Variants in ADAM17 observed in about 807,000 individuals in gnomAD.
ADAM17 encodes ADAM metallopeptidase domain 17.
ADAM17 carries 39 observed loss-of-function variants against 96.7 expected under a neutral mutation model. The observed-to-expected ratio is 0.40, with a 90% confidence interval of 0.31 to 0.53. ADAM17 has a LOEUF of 0.53. Ranked by LOEUF, ADAM17 falls within the 20% of genes least tolerant of loss-of-function variation. The probability of loss-of-function intolerance (pLI) is 0.44; values close to 1 mark genes in which losing one functional copy is unlikely to be tolerated. For synonymous variants in ADAM17, 344 were observed against 359.2 expected, an observed-to-expected ratio of 0.96 and a Z score of 0.48; for missense variants, 777 against 1,013.2, an observed-to-expected ratio of 0.77 and a Z score of 3.17.
intron 15 of ADAM17, 122 bp downstream of exon 15, chr2:9,494,515 A>G (rs1662409682): frequency 2.6e-6 from 3 of 1,144,512 alleles, no homozygotes; most frequent in Non-Finnish European, 3.7e-6. Flanking sequence ...GTAGATAACA[A>G]TGGGCCAGAA....
At position 9,488,577 on chromosome 2, in the gene ADAM17, A is replaced by T; in HGVS notation, c.*1600T>A. 1 of 328,136 alleles carries T rather than the reference A, an allele frequency of 3.0e-6. No individual in the cohort carries two copies. The highest frequency in any genetic ancestry group is 5.5e-6 in the Non-Finnish European group (1 of 183,248). The allele number at this position is 328,136 out of a possible 1,614,324, so 20.3% of individuals were successfully genotyped here. A position where few individuals can be genotyped will look rare whatever the true frequency, so the allele number is the denominator to read the frequency against. On this transcript the variant is annotated 3_prime_UTR_variant, in exon 19 of 19. Coordinates refer to ENST00000310823, the MANE Select transcript of ADAM17 (RefSeq NM_003183.6). Reference sequence around the variant, plus strand: ...CTTGTTAATTCTATAAATGACAAAGACTATGTTTTTAAAAAGTCACAATTT... The same window carrying T: ...CTTGTTAATTCTATAAATGACAAAGTCTATGTTTTTAAAAAGTCACAATTT...
intron 13 of ADAM17, among the ~76,000 whole-genome samples, chr2:9,500,861 A>C (rs1662956810): frequency 6.6e-6 from 1 of 152,236 alleles, no homozygotes; most frequent in Admixed American, 6.5e-5. Context: ...GGACACCTGG[A>C]AAGGTTAGCT....
At chr2:9,549,181 G>C (rs1665507580) in intron 1 of ADAM17, among the ~76,000 whole-genome samples, 1 of 152,084 alleles carries the variant, frequency 6.6e-6, no homozygotes, top group Non-Finnish European at 1.5e-5. Flanking sequence ...GACCAGCCTG[G>C]CCAACATGGT....
chr2:9,517,878 C>T, intron 10 of ADAM17, 23 bp downstream of exon 10: 1 of 1,502,410 alleles, frequency 6.7e-7, no homozygotes, highest in Non-Finnish European at 9.0e-7. Context: ...TAACACTATT[C>T]TTTTAGAAAT....
intron 1 of ADAM17, among the ~76,000 whole-genome samples, chr2:9,552,260 A>G (rs907525372): frequency 2.0e-5 from 3 of 152,222 alleles, no homozygotes; most frequent in African/African-American, 7.2e-5. Flanking sequence ...GAGGAAACCT[A>G]TATTTAATGT....
chr2:9,498,243 T>C (rs767569176), intron 13 of ADAM17, among the ~76,000 whole-genome samples: 22 of 152,236 alleles, frequency 1.4e-4, no homozygotes, highest in Non-Finnish European at 2.5e-4. Context: ...GTGTTGACCA[T>C]GCTGGTGTAA....
intron 14 of ADAM17, 30 bp downstream of exon 14, chr2:9,497,084 T>A: frequency 6.2e-7 from 1 of 1,607,064 alleles, no homozygotes. Flanking sequence ...TGTTTTCTCC[T>A]GCTGCTGGAC....
intron 6 of ADAM17, among the ~76,000 whole-genome samples, chr2:9,525,075 A>G (rs1427866297): frequency 6.6e-6 from 1 of 152,188 alleles, no homozygotes; most frequent in African/African-American, 2.4e-5. Context: ...AAGCTTTTTA[A>G]AGTAAAAATC....
chr2:9,532,127 T>C (rs1664766560), intron 4 of ADAM17, among the ~76,000 whole-genome samples: 1 of 152,182 alleles, frequency 6.6e-6, no homozygotes, highest in Admixed American at 6.5e-5. Flanking sequence ...TATTTAATGA[T>C]GATGTGTTAA....
chr2:9,505,239 G>T lies in ADAM17; in HGVS notation c.1471C>A (p.Pro491Thr). ...TCGTTGTTCAGATACATGATGCCAG[G>T]ATCACACTCTTCTCCTTCATCCACC... ...SRVDEGEECD[P>T]GIMYLNNDTC... Residue 491 changes from proline (P) to threonine (T), a missense_variant, in exon 12 of 19, where the codon CCT (proline) becomes ACT (threonine). By Grantham distance (38) the Pro-to-Thr change is conservative. This residue lies in a region of ADAM17 where 446 missense variants were observed against 664.7 expected (regional missense o/e 0.67). Coordinates refer to ENST00000310823, the MANE Select transcript of ADAM17 (RefSeq NM_003183.6). The T allele has an allele frequency of 1.2e-6, 2 of 1,614,100 alleles. No homozygotes were observed. The highest frequency in any genetic ancestry group is 1.7e-6 in the Non-Finnish European group (2 of 1,180,016).
chr2:9,539,400 T>C (rs73151556), intron 2 of ADAM17, among the ~76,000 whole-genome samples: 9,779 of 152,134 alleles, frequency 0.064, 1,110 homozygotes, highest in African/African-American at 0.22. Context: ...CATGTGTGAG[T>C]CACCACGCCT....
intron 8 of ADAM17, among the ~76,000 whole-genome samples, chr2:9,519,475 C>T (rs533871831): frequency 6.6e-6 from 1 of 152,254 alleles, no homozygotes; most frequent in East Asian, 1.9e-4. Context: ...GAGATCTGTG[C>T]TCAATTCAAC....
At position 9,490,125 on chromosome 2, in the gene ADAM17, C is replaced by CAAATCTATAAAA. The variant is rs1331511067; in HGVS notation, c.*40_*51dup. The CAAATCTATAAAA allele has an allele frequency of 5.4e-6, 8 of 1,481,052 alleles. No individual in the cohort carries two copies. The Admixed American group carries it at 1.6e-4, about 30-fold the overall frequency. 91.7% of individuals were successfully genotyped at this position (1,481,052 alleles called of 1,614,324 possible). On this transcript the variant is annotated 3_prime_UTR_variant, in exon 19 of 19. Coordinates refer to ENST00000310823, the MANE Select transcript of ADAM17 (RefSeq NM_003183.6). ...TACAAGCTGTGATTGATTTGTAGGT[C>CAAATCTATAAAA]AAATCTATAAAAATATTTTGCACAC...
chr2:9,495,204 C>T (rs2124968981), intron 14 of ADAM17, among the ~76,000 whole-genome samples: 1 of 152,330 alleles, frequency 6.6e-6, no homozygotes, highest in Non-Finnish European at 1.5e-5. Flanking sequence ...ACTGTCCACC[C>T]TTGGGTGGGG....
chr2:9,510,038 G>C lies in ADAM17; in HGVS notation c.1285C>G (p.Gln429Glu). 1 of 1,614,040 alleles carries C rather than the reference G, an allele frequency of 6.2e-7. No homozygotes were observed. Among genetic ancestry groups the C allele is most frequent in the Non-Finnish European group, 8.5e-7 (1 of 1,179,978 alleles). Reference protein sequence around the residue: ...GLAECAPNEDQGGKYVMYPIA... With the variant: ...GLAECAPNEDEGGKYVMYPIA... The stretch of plus-strand genomic sequence containing the variant: ...GGATACATGACATATTTCCCTCCCT[G>C]GTCCTCATTCGGGGCACATTCTGCT... The change falls in exon 11 of 19, where the codon CAG becomes GAG. Residue 429 changes from glutamine to glutamate, a missense_variant. Coordinates refer to ENST00000310823, the MANE Select transcript of ADAM17 (RefSeq NM_003183.6).
chr2:9,489,385 T>C lies in ADAM17; in HGVS notation c.*792A>G, dbSNP rs970034994. The C allele has an allele frequency of 2.7e-5, 4 of 147,864 alleles. No homozygotes were observed. The highest frequency in any genetic ancestry group is 6.9e-5 in the Admixed American group (1 of 14,432). The allele number at this position is 147,864 out of a possible 1,614,324, so 9.2% of individuals were successfully genotyped here. A position where few individuals can be genotyped will look rare whatever the true frequency, so the allele number is the denominator to read the frequency against. On this transcript the variant is annotated 3_prime_UTR_variant, in exon 19 of 19. Transcript: ENST00000310823. ...GGCATGAGCCACCACTCCCAGCCAATAGTGAATTTTCTAAGAGCATGTATC... is the reference window on the plus strand; with the variant it reads ...GGCATGAGCCACCACTCCCAGCCAACAGTGAATTTTCTAAGAGCATGTATC...
intron 13 of ADAM17, among the ~76,000 whole-genome samples, chr2:9,500,725 A>G (rs1662948211): frequency 6.6e-6 from 1 of 152,208 alleles, no homozygotes; most frequent in Non-Finnish European, 1.5e-5. Context: ...TCGCAAGGGT[A>G]AAAAAGGAAC....
At chr2:9,536,613 GCAC>G in intron 3 of ADAM17, 82 bp downstream of exon 3, 1 of 1,565,242 alleles carries the variant, frequency 6.4e-7, no homozygotes, top group South Asian at 1.2e-5. Context: ...CCACTATCCT[GCAC>G]CAGAAAAGAA....
intron 2 of ADAM17, among the ~76,000 whole-genome samples, chr2:9,541,836 C>G (rs1665217644): frequency 6.6e-6 from 1 of 150,910 alleles, no homozygotes; most frequent in South Asian, 2.1e-4. Flanking sequence ...GTGAGGAGTT[C>G]AAGACCAGCC....
Sources: gnomAD v4.1 joint callset for allele counts (sites outside exome capture counted in the v4.1 genomes callset) on GRCh38, gnomAD v4.1.1 for gene constraint, gnomAD v4.1.1 regional missense constraint, MANE v1.5 for transcripts, NCBI Gene and HGNC (gene_info 2026-07-23, HGNC 2026-07-21) for gene names.